GPC6: variants seen among roughly 807,000 people sequenced by gnomAD.
GPC6 encodes glypican 6.
In GPC6, 14 loss-of-function variants were observed where a neutral mutation model predicts 55.2. That is an observed-to-expected ratio of 0.25 (90% CI 0.17 to 0.40). GPC6 has a LOEUF of 0.40. Among genes scored for constraint, GPC6 ranks in the 10% least tolerant of loss-of-function variants. GPC6 has a pLI of 1.00. For missense variants in GPC6, 641 were observed against 708.5 expected (o/e 0.90, Z 1.08); for synonymous variants, 278 against 259.6 (o/e 1.07, Z -0.68).
intron 4 of GPC6, 22 bp from the exon 5 acceptor site, chr13:94,286,327 T>A (rs1394967558): frequency 6.2e-7 from 1 of 1,613,312 alleles, no homozygotes; most frequent in African/African-American, 1.3e-5. Context: ...TGCAAATAAA[T>A]CATGTTCCTG....
chr13:93,273,255 A>G (rs973129958), intron 1 of GPC6, among the ~76,000 whole-genome samples: 2 of 152,254 alleles, frequency 1.3e-5, no homozygotes, highest in African/African-American at 4.8e-5. Context: ...TTGCACTTTA[A>G]GAGAGATATT....
At chr13:93,576,874 G>A (rs1181525210) in intron 2 of GPC6, among the ~76,000 whole-genome samples, 1 of 152,126 alleles carries the variant, frequency 6.6e-6, no homozygotes, top group East Asian at 1.9e-4. Context: ...CTTTGGATTA[G>A]ACTTCATTAA....
intron 4 of GPC6, among the ~76,000 whole-genome samples, chr13:94,249,414 A>G (rs992712765): frequency 2.0e-5 from 3 of 152,170 alleles, no homozygotes; most frequent in African/African-American, 4.8e-5. Context: ...CTGGTGTTTC[A>G]TTAAGTTTGT....
At chr13:93,971,747 G>C (rs1396895643) in intron 3 of GPC6, among the ~76,000 whole-genome samples, 1 of 152,196 alleles carries the variant, frequency 6.6e-6, no homozygotes, top group Non-Finnish European at 1.5e-5. Flanking sequence ...CTTGCCCTTA[G>C]TGACAGGATT....
chr13:93,924,993 G>C (rs549315770), intron 3 of GPC6, among the ~76,000 whole-genome samples: 6 of 152,198 alleles, frequency 3.9e-5, no homozygotes, highest in Admixed American at 2.0e-4. Flanking sequence ...AACATGAAAA[G>C]AGTTTGAAGT....
intron 2 of GPC6, among the ~76,000 whole-genome samples, chr13:93,677,796 G>A (rs1454310445): frequency 6.6e-6 from 1 of 152,100 alleles, no homozygotes; most frequent in African/African-American, 2.4e-5. Flanking sequence ...GATTTTGGAG[G>A]TAAGATAATT....
intron 2 of GPC6, among the ~76,000 whole-genome samples, chr13:93,795,529 G>A (rs529484355): frequency 6.6e-6 from 1 of 152,244 alleles, no homozygotes; most frequent in East Asian, 1.9e-4. Flanking sequence ...GCTATACAAA[G>A]CAATCCCTTA....
intron 4 of GPC6, among the ~76,000 whole-genome samples, chr13:94,133,288 A>AAAC (rs1555299324): frequency 2.8e-4 from 36 of 127,438 alleles, no homozygotes; most frequent in African/African-American, 5.2e-4. Context: ...AAAAAAAAAA[A>AAAC]AAAACCTTAA....
At chr13:93,455,656 G>A (rs1878422868) in intron 1 of GPC6, among the ~76,000 whole-genome samples, 6 of 152,126 alleles carry the variant, frequency 3.9e-5, no homozygotes, top group Admixed American at 3.9e-4. Context: ...AAGCCATGGG[G>A]TGTGGGATTT....
At chr13:94,275,880 C>T (rs1310235787) in intron 4 of GPC6, among the ~76,000 whole-genome samples, 1 of 152,040 alleles carries the variant, frequency 6.6e-6, no homozygotes, top group Non-Finnish European at 1.5e-5. Context: ...CACTGAGATG[C>T]CAATTTCTTA....
intron 1 of GPC6, among the ~76,000 whole-genome samples, chr13:93,468,331 C>G (rs1276698819): frequency 6.6e-6 from 1 of 152,024 alleles, no homozygotes; most frequent in Non-Finnish European, 1.5e-5. Context: ...TAAAATGAGA[C>G]AGTTTCTCCA....
intron 1 of GPC6, among the ~76,000 whole-genome samples, chr13:93,411,224 C>G (rs781670679): frequency 6.6e-6 from 1 of 152,160 alleles, no homozygotes; most frequent in Non-Finnish European, 1.5e-5. Flanking sequence ...TTGGAGTCTT[C>G]GTCAACAGAC....
rs751323722 is a variant in GPC6, at chr13:94,191,650, TA to T, written c.878-94688del. ...ATAGTAGAGGCAAGTTTGAAGGAAG[TA>T]AAAAAAAAAATTGAGACTTATCTTT... On this transcript the variant is annotated intron_variant, in intron 4 of 8. Coordinates refer to ENST00000377047, the MANE Select transcript of GPC6 (RefSeq NM_005708.5). 1.0e-3 allele frequency among the ~76,000 whole-genome samples: 152 copies of T among 145,842 alleles called. 1 individual carries two copies. The highest frequency in any genetic ancestry group is 3.0e-3 in the African/African-American group (120 of 39,852).
chr13:94,056,081 G>A (rs1163191743), intron 4 of GPC6, among the ~76,000 whole-genome samples: 1 of 152,174 alleles, frequency 6.6e-6, no homozygotes, highest in African/African-American at 2.4e-5. Context: ...GGTCCCTACT[G>A]TATCTCCAAG....
rs372059713 is a variant in GPC6, at chr13:94,235,749, G to A, written c.878-50600G>A. Among the ~76,000 whole-genome samples, 14 of 152,198 alleles carry A rather than the reference G, an allele frequency of 9.2e-5. No individual in the cohort carries two copies. In the South Asian group the frequency reaches 1.2e-3, roughly 14 times the overall value. ...ATCTACACTGGTCCTTCAACTCTTT[G>A]GGTAAAATTGAATCCTTGGGAGAAA... is the stretch of plus-strand genomic sequence containing the variant. On this transcript the variant is annotated intron_variant, in intron 4 of 8. Coordinates refer to ENST00000377047, the MANE Select transcript of GPC6 (RefSeq NM_005708.5).
At chr13:94,087,177 T>C (rs866387823) in intron 4 of GPC6, among the ~76,000 whole-genome samples, 1 of 152,248 alleles carries the variant, frequency 6.6e-6, no homozygotes, top group Non-Finnish European at 1.5e-5. Flanking sequence ...ATGCTCCCTG[T>C]TGGGGAAAGC....
At chr13:93,434,498 T>A (rs1048890259) in intron 1 of GPC6, among the ~76,000 whole-genome samples, 3 of 152,098 alleles carry the variant, frequency 2.0e-5, no homozygotes, top group Non-Finnish European at 4.4e-5. Flanking sequence ...AATCCTTTAG[T>A]TATAATAAGG....
rs1243200385 is a variant in GPC6, at chr13:93,892,301, G to A, written c.711+61756G>A. Among the ~76,000 whole-genome samples the A allele has an allele frequency of 5.3e-5, 8 of 152,232 alleles. No individual in the cohort carries two copies. The East Asian group carries it at 1.4e-3, about 26-fold the overall frequency. ...CATTCCAAAAATATTTACAGTGAAA[G>A]TTCCTACCTAACGGGTAGCAAAGAA... On this transcript the variant is annotated intron_variant, in intron 3 of 8. Transcript: ENST00000377047.
chr13:94,104,264 C>T (rs1885974004), intron 4 of GPC6, among the ~76,000 whole-genome samples: 1 of 152,122 alleles, frequency 6.6e-6, no homozygotes, highest in Admixed American at 6.5e-5. Flanking sequence ...GGTACCAGTA[C>T]CATGCTGTTT....
Sources: gnomAD v4.1 joint callset for allele counts (sites outside exome capture counted in the v4.1 genomes callset) on GRCh38, gnomAD v4.1.1 for gene constraint, MANE v1.5 for transcripts, NCBI Gene and HGNC (gene_info 2026-07-23, HGNC 2026-07-21) for gene names.